CIMIP2C: variants seen among roughly 807,000 people sequenced by gnomAD.
The protein encoded by CIMIP2C is ciliary microtubule inner protein 2C.
At chr2:26,562,776 G>T in the CIMIP2C span, 9 of 1,171,668 alleles carry the variant, frequency 7.7e-6, no homozygotes, top group African/African-American at 7.7e-5. Context: ...CGGACTTTGG[G>T]GTTGAAGGAA....
the CIMIP2C span, chr2:26,577,623 C>T: frequency 7.0e-5 from 113 of 1,612,614 alleles, no homozygotes; most frequent in Non-Finnish European, 8.8e-5. Context: ...CCCTCCCCAC[C>T]GTCCTGTGAG....
the CIMIP2C span, among the ~76,000 whole-genome samples, chr2:26,575,114 C>T: frequency 0.3 from 45,882 of 152,140 alleles, 7,656 homozygotes; most frequent in East Asian, 0.61. Flanking sequence ...GGCCTCCGCT[C>T]GCCCATCTCC....
chr2:26,566,147 G>A, the CIMIP2C span, among the ~76,000 whole-genome samples: 12 of 152,324 alleles, frequency 7.9e-5, no homozygotes, highest in African/African-American at 2.4e-4. Flanking sequence ...CTTGGCCTGC[G>A]CCATGCATTC....
the CIMIP2C span, among the ~76,000 whole-genome samples, chr2:26,576,868 T>C: frequency 6.6e-6 from 1 of 152,228 alleles, no homozygotes; most frequent in Non-Finnish European, 1.5e-5. Context: ...GAGCTGGCCC[T>C]TATGCCCTTG....
At chr2:26,575,539 C>A in the CIMIP2C span, among the ~76,000 whole-genome samples, 46 of 152,178 alleles carry the variant, frequency 3.0e-4, no homozygotes, top group Non-Finnish European at 6.0e-4. Context: ...TAGGCAAAGA[C>A]CTCTGTGGGG....
chr2:26,576,226 C>T, the CIMIP2C span: 3 of 1,568,448 alleles, frequency 1.9e-6, no homozygotes, highest in South Asian at 3.5e-5. Context: ...CACCTGCCCC[C>T]ACCACGGGAA....
At chr2:26,572,347 TG>T in the CIMIP2C span, among the ~76,000 whole-genome samples, 2,517 of 66,412 alleles carry the variant, frequency 0.038, 82 homozygotes, top group African/African-American at 0.11. Flanking sequence ...ATTACTGAGT[TG>T]GTTTTTTTTT....
At chr2:26,573,415 G>C in the CIMIP2C span, among the ~76,000 whole-genome samples, 10 of 152,360 alleles carry the variant, frequency 6.6e-5, no homozygotes, top group East Asian at 1.9e-3. Context: ...AGGCCGAGAG[G>C]GAGGGGGATA....
At chr2:26,565,185 G>A in the CIMIP2C span, among the ~76,000 whole-genome samples, 1 of 151,744 alleles carries the variant, frequency 6.6e-6, no homozygotes, top group Non-Finnish European at 1.5e-5. Flanking sequence ...TGCCTCCTGG[G>A]TTCAAGCAAT....
chr2:26,571,199 C>G, the CIMIP2C span, among the ~76,000 whole-genome samples: 12 of 152,038 alleles, frequency 7.9e-5, no homozygotes, highest in African/African-American at 2.9e-4. Context: ...ATGAGATCTC[C>G]CAGAAGGAAT....
chr2:26,578,370 C>T, the CIMIP2C span: 1 of 189,070 alleles, frequency 5.3e-6, no homozygotes, highest in African/African-American at 2.4e-5. Context: ...CCTCAGAGTC[C>T]TAAGATTCAC....
the CIMIP2C span, chr2:26,578,857 A>AGTGACAGG: frequency 1.7e-5 from 8 of 471,656 alleles, no homozygotes; most frequent in Non-Finnish European, 3.1e-5. Context: ...GAAGAGGGTC[A>AGTGACAGG]GTGACAGGCC....
the CIMIP2C span, among the ~76,000 whole-genome samples, chr2:26,568,515 G>A: frequency 6.6e-6 from 1 of 152,128 alleles, no homozygotes. Context: ...TGGAGACTTG[G>A]GCTTTGCAAC....
At chr2:26,574,096 C>A in the CIMIP2C span, among the ~76,000 whole-genome samples, 2 of 152,200 alleles carry the variant, frequency 1.3e-5, no homozygotes, top group African/African-American at 4.8e-5. Context: ...GGGAAAGACC[C>A]CAGAAGAGGT....
the CIMIP2C span, among the ~76,000 whole-genome samples, chr2:26,565,387 G>A: frequency 6.6e-6 from 1 of 152,148 alleles, no homozygotes; most frequent in Non-Finnish European, 1.5e-5. Flanking sequence ...CACCACGCCT[G>A]GCCTTTTTTC....
chr2:26,564,365 G>A, the CIMIP2C span, among the ~76,000 whole-genome samples: 7 of 152,200 alleles, frequency 4.6e-5, no homozygotes, highest in African/African-American at 9.7e-5. Flanking sequence ...GGAGCTGCAG[G>A]TTTCAGAAGC....
At chr2:26,571,077 G>GTGTGGATCCATTGCCAGGCA in the CIMIP2C span, among the ~76,000 whole-genome samples, 1 of 152,174 alleles carries the variant, frequency 6.6e-6, no homozygotes, top group Non-Finnish European at 1.5e-5. Context: ...GCCCAGCCTT[G>GTGTGGATCCATTGCCAGGCA]TGTGGATCCA....
the CIMIP2C span, chr2:26,562,773 T>C: frequency 8.2e-7 from 1 of 1,218,004 alleles, no homozygotes; most frequent in Non-Finnish European, 1.2e-6. Flanking sequence ...CCCCGGACTT[T>C]GGGGTTGAAG....
At chr2:26,569,280 T>TTTCA in the CIMIP2C span, among the ~76,000 whole-genome samples, 1 of 152,294 alleles carries the variant, frequency 6.6e-6, no homozygotes, top group African/African-American at 2.4e-5. Context: ...AAGGATGTTC[T>TTTCA]TTCAAAGCAG....
Sources: allele counts gnomAD v4.1 joint callset (sites outside exome capture counted in the v4.1 genomes callset), GRCh38; gene constraint gnomAD v4.1.1; transcripts MANE v1.5; gene names NCBI Gene and HGNC (gene_info 2026-07-23, HGNC 2026-07-21).